LHFPL2: variants seen among roughly 807,000 people sequenced by gnomAD.
The protein encoded by LHFPL2 is LHFPL tetraspan subfamily member 2 protein.
Under a neutral mutation model 17.5 loss-of-function variants are expected in LHFPL2, and 7 were observed. That is an observed-to-expected ratio of 0.40 (90% CI 0.23 to 0.75). The LOEUF (loss-of-function observed/expected upper bound fraction) is 0.75. LHFPL2 is among the 30% of genes least tolerant of loss of function. The pLI, the probability that LHFPL2 is intolerant of heterozygous loss-of-function variation, is 0.37. For synonymous variants in LHFPL2, 134 were observed against 116.2 expected (o/e 1.15, Z -0.99); for missense variants, 241 against 294.8 (o/e 0.82, Z 1.34).
intron 3 of LHFPL2, 61 bp from the exon 4 acceptor site, chr5:78,510,459 C>A: frequency 1.9e-6 from 1 of 514,468 alleles, no homozygotes; most frequent in Non-Finnish European, 3.4e-6. Context: ...TCCCGCCGCG[C>A]AGCGACACCG....
Position 78,510,037 on chromosome 5 carries a change from G to A in LHFPL2, c.177C>T (p.Pro59=). 6.2e-7 allele frequency: 1 copy of A among 1,610,942 alleles called. No homozygotes were observed. The highest frequency in any genetic ancestry group is 1.1e-5 in the South Asian group (1 of 90,792). ...PGGGSPEPYH[P]TLGIYARCIR... ...TGCAGCGGGCGTAGATGCCCAGGGT[G>A]GGGTGGTAGGGCTCCGGGGAGCCCC... is the stretch of plus-strand genomic sequence containing the variant. The change falls in exon 4 of 5, where the codon CCC becomes CCT. Residue 59 remains proline, a synonymous_variant. Coordinates refer to ENST00000380345, the MANE Select transcript of LHFPL2 (RefSeq NM_005779.3).
At chr5:78,492,359 G>A (rs1298579431) in intron 4 of LHFPL2, among the ~76,000 whole-genome samples, 2 of 152,226 alleles carry the variant, frequency 1.3e-5, no homozygotes, top group East Asian at 1.9e-4. Context: ...AGAAGACAAA[G>A]CATGGAGTTT....
intron 2 of LHFPL2, among the ~76,000 whole-genome samples, chr5:78,567,824 A>G (rs1347787341): frequency 1.3e-5 from 2 of 152,164 alleles, no homozygotes; most frequent in Non-Finnish European, 2.9e-5. Flanking sequence ...CATTTTAACT[A>G]TGAGGGAAAC....
intron 2 of LHFPL2, among the ~76,000 whole-genome samples, chr5:78,599,169 C>T (rs1296480146): frequency 1.3e-5 from 2 of 152,178 alleles, no homozygotes; most frequent in Non-Finnish European, 1.5e-5. Context: ...TTCCCCTACC[C>T]TCCCAAGTGT....
chr5:78,527,911 C>T (rs1755667706), intron 3 of LHFPL2, among the ~76,000 whole-genome samples: 1 of 152,072 alleles, frequency 6.6e-6, no homozygotes, highest in Admixed American at 6.5e-5. Flanking sequence ...GGAGTGTAAG[C>T]GATTAAGAGT....
chr5:78,586,216 C>T (rs1290364539), intron 2 of LHFPL2, among the ~76,000 whole-genome samples: 1 of 152,166 alleles, frequency 6.6e-6, no homozygotes, highest in Non-Finnish European at 1.5e-5. Context: ...CCTCAAAGAA[C>T]TTTTTTCCTC....
intron 4 of LHFPL2, among the ~76,000 whole-genome samples, chr5:78,492,323 T>C (rs1754473056): frequency 1.3e-5 from 2 of 152,238 alleles, no homozygotes; most frequent in Non-Finnish European, 2.9e-5. Flanking sequence ...ACTTGTATTA[T>C]ATGTGCACTT....
At chr5:78,572,640 A>G (rs1216309766) in intron 2 of LHFPL2, among the ~76,000 whole-genome samples, 1 of 152,094 alleles carries the variant, frequency 6.6e-6, no homozygotes, top group African/African-American at 2.4e-5. Flanking sequence ...GGACCTAAAA[A>G]TTGAACATTT....
chr5:78,633,499 C>T (rs1172606813), intron 1 of LHFPL2, among the ~76,000 whole-genome samples: 3 of 152,256 alleles, frequency 2.0e-5, no homozygotes, highest in Admixed American at 6.5e-5. Context: ...GTGGGACCCA[C>T]ATTCAGTGTT....
chr5:78,583,584 T>C (rs1743233860), intron 2 of LHFPL2, among the ~76,000 whole-genome samples: 1 of 151,766 alleles, frequency 6.6e-6, no homozygotes, highest in African/African-American at 2.4e-5. Context: ...TGAAAATTCT[T>C]TTCTTTAAGA....
At chr5:78,601,046 C>A (rs1743994751) in intron 2 of LHFPL2, among the ~76,000 whole-genome samples, 1 of 152,174 alleles carries the variant, frequency 6.6e-6, no homozygotes, top group Non-Finnish European at 1.5e-5. Context: ...TTGCTCCAAC[C>A]CCACATCAGA....
chr5:78,597,443 G>A (rs563006665), intron 2 of LHFPL2, among the ~76,000 whole-genome samples: 61 of 152,258 alleles, frequency 4.0e-4, no homozygotes, highest in African/African-American at 1.3e-3. Context: ...GTCTCTTTGT[G>A]TGGGACAGAA....
chr5:78,573,157 G>A (rs1670640138), intron 2 of LHFPL2, among the ~76,000 whole-genome samples: 1 of 152,074 alleles, frequency 6.6e-6, no homozygotes, highest in Admixed American at 6.6e-5. Context: ...CCTGGAACGG[G>A]GAGTACAAGG....
intron 2 of LHFPL2, among the ~76,000 whole-genome samples, chr5:78,609,648 G>A (rs1000110040): frequency 2.6e-5 from 4 of 152,124 alleles, no homozygotes; most frequent in East Asian, 3.9e-4. Flanking sequence ...TTCTGAGGGT[G>A]TATATGTACA....
chr5:78,603,053 G>C (rs187816468), intron 2 of LHFPL2, among the ~76,000 whole-genome samples: 8 of 152,162 alleles, frequency 5.3e-5, no homozygotes, highest in Non-Finnish European at 1.2e-4. Context: ...ACCACACCCA[G>C]CTAATTTTTG....
intron 3 of LHFPL2, among the ~76,000 whole-genome samples, chr5:78,544,513 T>C (rs917663175): frequency 3.3e-5 from 5 of 152,234 alleles, no homozygotes; most frequent in Non-Finnish European, 5.9e-5. Flanking sequence ...CTTATAGGGC[T>C]ACCATTTTTA....
chr5:78,570,610 AATATATATATACGTATATATATAGTAT>A (rs1430869125), intron 2 of LHFPL2, among the ~76,000 whole-genome samples: 17 of 148,510 alleles, frequency 1.1e-4, no homozygotes, highest in East Asian at 5.9e-4. Flanking sequence ...TTTAACCTTG[AATATATATATACGTATATATATAGTAT>A]ATATATATAT....
intron 4 of LHFPL2, among the ~76,000 whole-genome samples, chr5:78,493,951 G>A (rs1754527535): frequency 6.6e-6 from 1 of 152,208 alleles, no homozygotes; most frequent in South Asian, 2.1e-4. Context: ...TTGGTCATAG[G>A]TTACGTCCAG....
chr5:78,511,172 C>T (rs1046253299), intron 3 of LHFPL2, among the ~76,000 whole-genome samples: 1 of 152,040 alleles, frequency 6.6e-6, no homozygotes, highest in Non-Finnish European at 1.5e-5. Flanking sequence ...CATTAATGAC[C>T]GTTAACTAAG....
Sources: allele counts gnomAD v4.1 joint callset (sites outside exome capture counted in the v4.1 genomes callset), GRCh38; gene constraint gnomAD v4.1.1; transcripts MANE v1.5; gene names NCBI Gene and HGNC (gene_info 2026-07-23, HGNC 2026-07-21).